Variants in SYT16 observed in about 807,000 individuals in gnomAD.
SYT16 encodes the protein synaptotagmin-16.
A neutral mutation model predicts 61.4 loss-of-function variants in SYT16; 42 were observed. The observed-to-expected ratio is 0.68, with a 90% CI of 0.53 to 0.89. SYT16 has a LOEUF of 0.89. SYT16 is among the 40% of genes least tolerant of loss of function. The pLI, the probability that SYT16 is intolerant of heterozygous loss-of-function variation, is 0.00. For missense variants in SYT16, 804 were observed against 807.3 expected (o/e 1.00, Z 0.05); for synonymous variants, 314 against 302.3 (o/e 1.04, Z -0.40).
At chr14:61,812,654 G>T (rs2045303138), upstream of SYT16, 1 of 146,602 alleles carries the variant, frequency 6.8e-6, no homozygotes, top group Non-Finnish European at 1.5e-5. Flanking sequence ...GGGGCGGCGC[G>T]GCGCGGCGGG....
chr14:61,894,302 A>C (rs983941813), intron 1 of SYT16, among the ~76,000 whole-genome samples: 3 of 151,432 alleles, frequency 2.0e-5, no homozygotes, highest in Non-Finnish European at 4.4e-5. Context: ...AAAAAAAAAA[A>C]AAAAAGCCTG....
intron 1 of SYT16, among the ~76,000 whole-genome samples, chr14:61,813,159 G>T (rs368792161): frequency 1.3e-5 from 2 of 152,266 alleles, no homozygotes; most frequent in South Asian, 2.1e-4. Context: ...CGTTTTTGGC[G>T]CTGTGAGTTC....
chr14:62,005,488 T>A (rs2053186000), intron 3 of SYT16, among the ~76,000 whole-genome samples: 1 of 152,158 alleles, frequency 6.6e-6, no homozygotes, highest in Non-Finnish European at 1.5e-5. Flanking sequence ...AGACAATGTC[T>A]AGGGTTTAGG....
chr14:61,924,825 A>T (rs1466065163), intron 1 of SYT16, among the ~76,000 whole-genome samples: 1 of 152,238 alleles, frequency 6.6e-6, no homozygotes, highest in Non-Finnish European at 1.5e-5. Flanking sequence ...AGTGACAGAC[A>T]ACCCCAAATT....
At chr14:62,054,048 A>G (rs374212614) in intron 3 of SYT16, among the ~76,000 whole-genome samples, 7 of 152,236 alleles carry the variant, frequency 4.6e-5, no homozygotes, top group Non-Finnish European at 8.8e-5. Context: ...GGAAAGAAAC[A>G]TGATTAGCTA....
At chr14:62,042,938 T>A (rs2054796293) in intron 3 of SYT16, among the ~76,000 whole-genome samples, 1 of 152,174 alleles carries the variant, frequency 6.6e-6, no homozygotes, top group Non-Finnish European at 1.5e-5. Flanking sequence ...GGTTTTTTGT[T>A]TACTAGAGTT....
chr14:61,814,855 C>T (rs1364708156), intron 1 of SYT16, among the ~76,000 whole-genome samples: 1 of 152,172 alleles, frequency 6.6e-6, no homozygotes, highest in African/African-American at 2.4e-5. Context: ...TGAAAAATTT[C>T]CCGCAAAGCT....
At chr14:61,964,485 A>G (rs1368301538) in intron 1 of SYT16, among the ~76,000 whole-genome samples, 2 of 152,140 alleles carry the variant, frequency 1.3e-5, no homozygotes, top group Non-Finnish European at 1.5e-5. Context: ...TTGCAATCTC[A>G]TGGTCAAACT....
intron 1 of SYT16, among the ~76,000 whole-genome samples, chr14:61,849,603 A>G (rs2046549007): frequency 6.6e-6 from 1 of 152,116 alleles, no homozygotes; most frequent in African/African-American, 2.4e-5. Flanking sequence ...ATAGGGCAGC[A>G]CTGAGTTCCA....
rs1189319414 is a variant in SYT16 at position 62,089,611 on chromosome 14, C to T, written c.1624+5226C>T. Among the ~76,000 whole-genome samples the T allele has an allele frequency of 7.9e-5, 12 of 152,090 alleles. No individual in the cohort carries two copies. The South Asian group carries it at 8.3e-4, about 11-fold the overall frequency. ...ACCTATTTATAAACATAAATAAGTACGGTAGCAGCATGAACTTATCTTAGT... is the reference window on the plus strand; with the variant it reads ...ACCTATTTATAAACATAAATAAGTATGGTAGCAGCATGAACTTATCTTAGT... On this transcript the variant is annotated intron_variant, in intron 7 of 7. Transcript: ENST00000683842.
At chr14:62,017,080 G>C (rs2053715630) in intron 3 of SYT16, among the ~76,000 whole-genome samples, 1 of 152,142 alleles carries the variant, frequency 6.6e-6, no homozygotes, top group African/African-American at 2.4e-5. Context: ...GAATCTTAGT[G>C]GCATGCTCTT....
chr14:62,027,122 C>T (rs547099806), intron 3 of SYT16, among the ~76,000 whole-genome samples: 1 of 152,162 alleles, frequency 6.6e-6, no homozygotes, highest in East Asian at 1.9e-4. Context: ...TTATCTTTTT[C>T]TGAAATTAGC....
At chr14:62,021,602 G>A (rs2053912563) in intron 3 of SYT16, among the ~76,000 whole-genome samples, 1 of 152,006 alleles carries the variant, frequency 6.6e-6, no homozygotes, top group African/African-American at 2.4e-5. Flanking sequence ...TCCTAGGAAA[G>A]ATGGACAAGA....
intron 2 of SYT16, among the ~76,000 whole-genome samples, chr14:61,990,892 GTTT>G: frequency 6.6e-6 from 1 of 152,168 alleles, no homozygotes; most frequent in South Asian, 2.1e-4. Context: ...GAATTTGACA[GTTT>G]TTCTTTCTAC....
intron 1 of SYT16, among the ~76,000 whole-genome samples, chr14:61,839,582 G>T (rs1014595558): frequency 6.6e-6 from 1 of 152,142 alleles, no homozygotes; most frequent in Non-Finnish European, 1.5e-5. Flanking sequence ...GTACATTCAG[G>T]CAGTGAGAAC....
intron 3 of SYT16, among the ~76,000 whole-genome samples, chr14:62,025,945 A>G (rs1313595516): frequency 1.3e-5 from 2 of 152,124 alleles, no homozygotes; most frequent in East Asian, 3.8e-4. Context: ...ATACATATTA[A>G]TTGCTAATAT....
At chr14:62,098,558 A>G (rs1014709432) in intron 7 of SYT16, among the ~76,000 whole-genome samples, 21 of 152,162 alleles carry the variant, frequency 1.4e-4, no homozygotes, top group Admixed American at 2.6e-4. Context: ...GGGTTCTACG[A>G]TGAGGAGGTT....
At chr14:62,014,729 C>T (rs747064855) in intron 3 of SYT16, among the ~76,000 whole-genome samples, 6 of 152,118 alleles carry the variant, frequency 3.9e-5, no homozygotes, top group South Asian at 2.1e-4. Flanking sequence ...CCATTGCGCC[C>T]GGCTGGTTTC....
At chr14:62,047,788 T>C (rs1378623411) in intron 3 of SYT16, among the ~76,000 whole-genome samples, 4 of 152,196 alleles carry the variant, frequency 2.6e-5, no homozygotes, top group African/African-American at 4.8e-5. Flanking sequence ...TATTGATTTG[T>C]GTATGTTGAA....
Sources: allele counts gnomAD v4.1 joint callset (sites outside exome capture counted in the v4.1 genomes callset), GRCh38; gene constraint gnomAD v4.1.1; transcripts MANE v1.5; gene names NCBI Gene and HGNC (gene_info 2026-07-23, HGNC 2026-07-21).